Variants in ASIC2 observed in about 807,000 individuals in gnomAD.
ASIC2 encodes the protein acid sensing ion channel subunit 2, also known as acid-sensing ion channel 2.
Under a neutral mutation model 57.3 loss-of-function variants are expected in ASIC2, and 25 were observed. The observed-to-expected ratio is 0.44, with a 90% confidence interval of 0.32 to 0.61. The LOEUF (loss-of-function observed/expected upper bound fraction) is 0.61. Ranked by LOEUF, ASIC2 falls within the 20% of genes least tolerant of loss-of-function variation. The pLI is 0.06. For missense variants in ASIC2, 641 were observed against 738.1 expected (o/e 0.87, Z 1.52); for synonymous variants, 319 against 307.5 (o/e 1.04, Z -0.39).
At chr17:33,960,707 C>T (rs974812694) in intron 1 of ASIC2, among the ~76,000 whole-genome samples, 4 of 152,134 alleles carry the variant, frequency 2.6e-5, no homozygotes, top group African/African-American at 9.7e-5. Context: ...TGGAATTTGT[C>T]CTCTTCCTTG....
intron 1 of ASIC2, among the ~76,000 whole-genome samples, chr17:33,125,863 C>G (rs909445335): frequency 1.3e-5 from 2 of 152,204 alleles, no homozygotes; most frequent in South Asian, 4.1e-4. Flanking sequence ...TCTTCACACC[C>G]CTACCTCCCC....
At chr17:33,753,314 G>A (rs568586480) in intron 1 of ASIC2, among the ~76,000 whole-genome samples, 1 of 152,218 alleles carries the variant, frequency 6.6e-6, no homozygotes, top group African/African-American at 2.4e-5. Flanking sequence ...AGAAAAGGAG[G>A]GAAGAAGGGG....
At chr17:34,143,570 G>A (rs1912330701) in intron 1 of ASIC2, among the ~76,000 whole-genome samples, 1 of 152,202 alleles carries the variant, frequency 6.6e-6, no homozygotes, top group Non-Finnish European at 1.5e-5. Context: ...TCTCTGCCAT[G>A]TTTTGATGCA....
intron 1 of ASIC2, chr17:34,071,169 T>C (rs1039390598): frequency 7.2e-5 from 11 of 152,128 alleles, no homozygotes; most frequent in Non-Finnish European, 1.3e-4. Flanking sequence ...TCCATACCCC[T>C]GGACAATATG....
chr17:33,918,464 C>T (rs943791239), intron 1 of ASIC2, among the ~76,000 whole-genome samples: 1 of 152,172 alleles, frequency 6.6e-6, no homozygotes, highest in African/African-American at 2.4e-5. Context: ...TCACTCAGGG[C>T]TAGCTTTTTG....
intron 1 of ASIC2, among the ~76,000 whole-genome samples, chr17:33,163,942 TG>T (rs1382278941): frequency 1.3e-5 from 2 of 152,142 alleles, no homozygotes; most frequent in African/African-American, 2.4e-5. Context: ...CAGGTAGAGG[TG>T]GGAGGATCCT....
At chr17:33,187,760 C>A (rs1448115075) in intron 1 of ASIC2, among the ~76,000 whole-genome samples, 3 of 151,926 alleles carry the variant, frequency 2.0e-5, no homozygotes, top group Non-Finnish European at 2.9e-5. Flanking sequence ...GTTTGCTGAT[C>A]CTTGAAAGAA....
chr17:33,289,327 A>ACACAACTCATGGCC (rs1361829199), intron 1 of ASIC2, among the ~76,000 whole-genome samples: 2 of 152,210 alleles, frequency 1.3e-5, no homozygotes, highest in African/African-American at 4.8e-5. Flanking sequence ...CAATTGACCC[A>ACACAACTCATGGCC]CACAACTCAT....
At chr17:33,355,356 A>T (rs1182059001) in intron 1 of ASIC2, among the ~76,000 whole-genome samples, 1 of 152,204 alleles carries the variant, frequency 6.6e-6, no homozygotes, top group African/African-American at 2.4e-5. Flanking sequence ...AATGAAGCCC[A>T]TGTACAGGAA....
At chr17:33,941,293 G>A (rs77055017) in intron 1 of ASIC2, among the ~76,000 whole-genome samples, 6,277 of 152,208 alleles carry the variant, frequency 0.041, 448 homozygotes, top group African/African-American at 0.14. Flanking sequence ...TCTCCCAGAC[G>A]CCCTCAGAAG....
chr17:33,899,115 G>A (rs563154272), intron 1 of ASIC2, among the ~76,000 whole-genome samples: 155 of 140,974 alleles, frequency 1.1e-3, no homozygotes, highest in African/African-American at 3.8e-3. Flanking sequence ...GCGACAGAGC[G>A]AGACTCCATC....
intron 1 of ASIC2, among the ~76,000 whole-genome samples, chr17:33,798,895 G>T (rs914737817): frequency 2.0e-5 from 3 of 152,096 alleles, no homozygotes; most frequent in African/African-American, 7.2e-5. Context: ...ACAGCTGTGG[G>T]CCCTGGAGAC....
intron 1 of ASIC2, among the ~76,000 whole-genome samples, chr17:34,149,917 T>C (rs1200525627): frequency 2.0e-5 from 3 of 152,214 alleles, no homozygotes; most frequent in Admixed American, 6.5e-5. Flanking sequence ...GAAATCAGTA[T>C]GTCAAAGAGA....
intron 1 of ASIC2, among the ~76,000 whole-genome samples, chr17:34,047,506 CAGAAAAAAAAAAAA>C (rs1290552347): frequency 1.2e-4 from 8 of 68,314 alleles, no homozygotes; most frequent in Non-Finnish European, 1.2e-4. Context: ...CACCTTTCTC[CAGAAAAAAAAAAAA>C]AAAAAAAAAA....
At chr17:33,206,334 G>T (rs1302901952) in intron 1 of ASIC2, among the ~76,000 whole-genome samples, 2 of 152,134 alleles carry the variant, frequency 1.3e-5, no homozygotes, top group Non-Finnish European at 2.9e-5. Context: ...CCACTTGTTG[G>T]CTGCTCTGCA....
At chr17:34,037,040 G>C (rs1907915172) in intron 1 of ASIC2, 1 of 152,620 alleles carries the variant, frequency 6.6e-6, no homozygotes, top group Admixed American at 6.5e-5. Flanking sequence ...AAAGAGGAGA[G>C]GGAAGCTGCA....
intron 1 of ASIC2, among the ~76,000 whole-genome samples, chr17:33,380,176 G>A (rs1188227113): frequency 2.9e-5 from 4 of 140,192 alleles, no homozygotes; most frequent in African/African-American, 1.0e-4. Context: ...AACCAGGGAG[G>A]CAGAAGTTGC....
intron 1 of ASIC2, among the ~76,000 whole-genome samples, chr17:33,812,653 G>T (rs1366904883): frequency 6.6e-6 from 1 of 152,168 alleles, no homozygotes; most frequent in Non-Finnish European, 1.5e-5. Context: ...GCTCTAGAGA[G>T]GCTGAGGCGA....
intron 1 of ASIC2, among the ~76,000 whole-genome samples, chr17:33,702,512 C>G (rs1381423646): frequency 1.3e-5 from 2 of 152,184 alleles, no homozygotes; most frequent in African/African-American, 4.8e-5. Flanking sequence ...ACACCTTTAA[C>G]TTCTATGACA....
Sources: gnomAD v4.1 joint callset for allele counts (sites outside exome capture counted in the v4.1 genomes callset) on GRCh38, gnomAD v4.1.1 for gene constraint, MANE v1.5 for transcripts, NCBI Gene and HGNC (gene_info 2026-07-23, HGNC 2026-07-21) for gene names.